SUMF1: variants seen among roughly 807,000 people sequenced by gnomAD.
SUMF1 encodes sulfatase modifying factor 1, also known as formylglycine-generating enzyme.
In SUMF1, 48 loss-of-function variants were observed where a neutral mutation model predicts 47.6. The observed-to-expected ratio is 1.01, with a 90% CI of 0.80 to 1.28. The LOEUF (loss-of-function observed/expected upper bound fraction) is 1.28. Ranked by LOEUF, SUMF1 falls within the 50% of genes most tolerant of loss-of-function variation. The pLI is 0.00. For synonymous variants in SUMF1, 230 were observed against 192.1 expected, an observed-to-expected ratio of 1.20 and a Z score of -1.63; for missense variants, 571 against 485.4, an observed-to-expected ratio of 1.18 and a Z score of -1.66.
At chr3:4,394,354 C>T (rs1192945547) in intron 7 of SUMF1, among the ~76,000 whole-genome samples, 2 of 152,014 alleles carry the variant, frequency 1.3e-5, no homozygotes, top group Non-Finnish European at 2.9e-5. Context: ...GACGGTGTTT[C>T]ACTATGTTGC....
chr3:4,060,879 C>G (rs1003421796), intron 9 of SUMF1, among the ~76,000 whole-genome samples: 3 of 152,070 alleles, frequency 2.0e-5, no homozygotes, highest in African/African-American at 7.2e-5. Flanking sequence ...TCTTAGGTAC[C>G]AAACTAGCTA....
chr3:4,109,032 C>A (rs542839064), intron 8 of SUMF1, among the ~76,000 whole-genome samples: 2 of 152,092 alleles, frequency 1.3e-5, no homozygotes, highest in Non-Finnish European at 2.9e-5. Context: ...ATGGTCTTTA[C>A]AATTTGGCAT....
chr3:4,181,459 G>A (rs770383912), intron 8 of SUMF1, among the ~76,000 whole-genome samples: 17 of 152,130 alleles, frequency 1.1e-4, no homozygotes, highest in East Asian at 5.8e-4. Context: ...TTCAGTCTAC[G>A]TAAAGAGGCT....
At chr3:4,279,440 A>T (rs1467739939) in intron 8 of SUMF1, among the ~76,000 whole-genome samples, 3 of 152,172 alleles carry the variant, frequency 2.0e-5, no homozygotes, top group African/African-American at 4.8e-5. Flanking sequence ...ATCATACAAC[A>T]AAATAGTATA....
intron 8 of SUMF1, among the ~76,000 whole-genome samples, chr3:4,299,526 G>A (rs1697921687): frequency 6.6e-6 from 1 of 152,192 alleles, no homozygotes; most frequent in Non-Finnish European, 1.5e-5. Flanking sequence ...AACAATATCT[G>A]GGCCAGATGT....
chr3:4,337,109 T>C (rs1356480913), intron 8 of SUMF1, among the ~76,000 whole-genome samples: 2 of 152,250 alleles, frequency 1.3e-5, no homozygotes, highest in South Asian at 2.1e-4. Context: ...CTTATGATTC[T>C]TGTTTACATA....
At chr3:4,360,284 G>C (rs1699718150), downstream of SUMF1, among the ~76,000 whole-genome samples, 1 of 130,338 alleles carries the variant, frequency 7.7e-6, no homozygotes, top group South Asian at 2.6e-4. Context: ...TCTACAAAAT[G>C]AACCACAAAT....
At chr3:4,456,874 C>CGTGTATATATA (rs1559312802) in intron 1 of SUMF1, among the ~76,000 whole-genome samples, 1 of 18,312 alleles carries the variant, frequency 5.5e-5, no homozygotes, top group Admixed American at 6.3e-4. Flanking sequence ...GTGTGTATAT[C>CGTGTATATATA]TATATGTGTG....
chr3:4,269,928 T>G (rs866889232), intron 8 of SUMF1, among the ~76,000 whole-genome samples: 1 of 152,140 alleles, frequency 6.6e-6, no homozygotes, highest in Non-Finnish European at 1.5e-5. Context: ...GAGGGAACTT[T>G]TTGAAGGTGA....
chr3:4,222,528 G>A (rs1435663188), intron 8 of SUMF1, among the ~76,000 whole-genome samples: 1 of 151,974 alleles, frequency 6.6e-6, no homozygotes, highest in African/African-American at 2.4e-5. Context: ...TACCAGTGCT[G>A]TGTGTAGGGT....
intron 8 of SUMF1, among the ~76,000 whole-genome samples, chr3:4,173,064 T>C (rs929743322): frequency 6.6e-6 from 1 of 152,210 alleles, no homozygotes; most frequent in Non-Finnish European, 1.5e-5. Context: ...TTCAGTTTTC[T>C]ACATAGGGCT....
chr3:4,172,601 CTAAGAA>C (rs1159453152), intron 8 of SUMF1, among the ~76,000 whole-genome samples: 1 of 152,100 alleles, frequency 6.6e-6, no homozygotes, highest in Non-Finnish European at 1.5e-5. Context: ...GATCACACAG[CTAAGAA>C]TAAGTTTCAT....
chr3:4,165,586 A>G (rs1694681103), intron 8 of SUMF1, among the ~76,000 whole-genome samples: 1 of 152,102 alleles, frequency 6.6e-6, no homozygotes. Context: ...GGTTGGACAT[A>G]AGGTATTTCA....
At chr3:4,360,544 G>C (rs184025268), downstream of SUMF1, among the ~76,000 whole-genome samples, 70 of 152,164 alleles carry the variant, frequency 4.6e-4, no homozygotes, top group Middle Eastern at 3.4e-3. Context: ...TGTTGGCCAA[G>C]CTAATCTCGA....
Position 4,417,074 on chromosome 3 carries a change from G to A in SUMF1, c.840+54C>T, listed in dbSNP as rs909029752. 3.9e-6 allele frequency: 6 copies of A among 1,536,542 alleles called. No individual in the cohort carries two copies. In the African/African-American group the frequency reaches 8.2e-5, roughly 21 times the overall value. On this transcript the variant is annotated intron_variant, in intron 6 of 8. Transcript: ENST00000272902. ...CAATGCCTTTCACCCCATGTCTACT[G>A]GGAGCCTCAGTTCTCAGCAGCTGCC...
chr3:4,130,948 G>C (rs569878675), intron 8 of SUMF1, among the ~76,000 whole-genome samples: 1 of 152,122 alleles, frequency 6.6e-6, no homozygotes, highest in Non-Finnish European at 1.5e-5. Flanking sequence ...CTGACAGGTA[G>C]GGATGCTGTT....
intron 8 of SUMF1, among the ~76,000 whole-genome samples, chr3:4,245,303 G>C (rs955356030): frequency 5.3e-5 from 8 of 151,454 alleles, no homozygotes; most frequent in African/African-American, 2.0e-4. Context: ...TATTCCTTTG[G>C]AGGAGAAGAG....
At chr3:4,398,292 T>C (rs1220224779) in intron 7 of SUMF1, among the ~76,000 whole-genome samples, 1 of 152,162 alleles carries the variant, frequency 6.6e-6, no homozygotes, top group Non-Finnish European at 1.5e-5. Flanking sequence ...TGGCATTCAG[T>C]AGCTTGCCAG....
chr3:4,294,797 T>C (rs1697813397), intron 8 of SUMF1, among the ~76,000 whole-genome samples: 1 of 152,156 alleles, frequency 6.6e-6, no homozygotes, highest in Non-Finnish European at 1.5e-5. Context: ...CAGCAATGTT[T>C]ATCGCAAATG....
Sources: gnomAD v4.1 joint callset for allele counts (sites outside exome capture counted in the v4.1 genomes callset) on GRCh38, gnomAD v4.1.1 for gene constraint, MANE v1.5 for transcripts, NCBI Gene and HGNC (gene_info 2026-07-23, HGNC 2026-07-21) for gene names.